The following GTPBP3 variants were observed in gnomAD, a reference collection of about 807,000 sequenced individuals.
The protein encoded by GTPBP3 is 5-taurinomethyluridine-[tRNA] synthase subunit GTPB3, mitochondrial.
A neutral mutation model predicts 42.0 loss-of-function variants in GTPBP3; 35 were observed. The ratio of observed to expected loss-of-function variants is 0.83; its 90% CI spans 0.64 to 1.10. The LOEUF (loss-of-function observed/expected upper bound fraction) is 1.10, where lower values mean the gene tolerates loss of function less well. Among genes scored for constraint, GTPBP3 ranks in the 50% least tolerant of loss-of-function variants. GTPBP3 has a pLI of 0.00. For missense variants in GTPBP3, 691 were observed against 685.2 expected, an observed-to-expected ratio of 1.01 and a Z score of -0.09; for synonymous variants, 332 against 314.9, an observed-to-expected ratio of 1.05 and a Z score of -0.58.
At chr19:17,338,766 C>G (rs767281096) in intron 4 of GTPBP3, 25 bp downstream of exon 4, 12 of 1,590,160 alleles carry the variant, frequency 7.5e-6, no homozygotes, top group Middle Eastern at 1.7e-4. Context: ...TGTCCATTCT[C>G]TCCCTCAGAG....
intron 1 of GTPBP3, 137 bp from the exon 2 acceptor site, chr19:17,337,871 C>T (rs1204249008): frequency 7.7e-7 from 1 of 1,294,698 alleles, no homozygotes. Context: ...CTTCGGCCTT[C>T]AGAACATCCA....
At chr19:17,338,488 CAA>C (rs776029170) in intron 3 of GTPBP3, 37 bp downstream of exon 3, 35 of 1,613,348 alleles carry the variant, frequency 2.2e-5, no homozygotes, top group Non-Finnish European at 2.3e-5. Flanking sequence ...TTGGTCCTCC[CAA>C]TGGGCCTGGG....
rs201374694 is a variant in GTPBP3, at chr19:17,338,949, G to A, written c.592-5G>A. On this transcript the variant is annotated splice_region_variant and splice_polypyrimidine_tract_variant and intron_variant, in intron 4 of 8. Coordinates refer to ENST00000324894, the MANE Select transcript of GTPBP3 (RefSeq NM_032620.4). The stretch of plus-strand genomic sequence containing the variant: ...ACACCACCTCTGCTCTCCCTGCCCC[G>A]CCAGGCTCTGGCCCACGTGGAGGCC... 5 of 1,590,142 alleles carry A rather than the reference G, an allele frequency of 3.1e-6. No homozygotes were observed. The highest frequency in any genetic ancestry group is 4.3e-6 in the Non-Finnish European group (5 of 1,165,730).
In GTPBP3 at chr19:17,341,966, A is replaced by G; in HGVS notation, c.*263A>G. The G allele has an allele frequency of 2.6e-6, 1 of 388,058 alleles. No homozygotes were observed. The highest frequency in any genetic ancestry group is 4.5e-6 in the Non-Finnish European group (1 of 219,790). The allele number at this position is 388,058 out of a possible 1,614,324, so 24.0% of individuals were successfully genotyped here. A position where few individuals can be genotyped will look rare whatever the true frequency, so the allele number is the denominator to read the frequency against. ...GGGATGGAGATAGGAGGATCTCAGT[A>G]TATTTGTTTCGTAGTTTTTTATTTA... On this transcript the variant is annotated 3_prime_UTR_variant, in exon 9 of 9. Coordinates refer to ENST00000324894, the MANE Select transcript of GTPBP3 (RefSeq NM_032620.4).
upstream of GTPBP3, chr19:17,337,524 T>A: frequency 7.7e-7 from 1 of 1,290,368 alleles, no homozygotes; most frequent in Non-Finnish European, 9.9e-7. Flanking sequence ...AGCACTTTAC[T>A]AGTCAAGCCG....
At chr19:17,337,302 C>CT (rs753778399), upstream of GTPBP3, 54 of 328,418 alleles carry the variant, frequency 1.6e-4, no homozygotes, top group East Asian at 8.9e-4. Context: ...AAACTCTGTC[C>CT]TTTCTTCCAT....
At position 17,341,528 on chromosome 19, in the gene GTPBP3, A is replaced by G; in HGVS notation, c.1304A>G (p.Gln435Arg). ...CCGCTGCTGACCCGAGCAAGGCACCAGCACCACCTCCAGGGTTGCCTGGAT... is the reference window on the plus strand; with the variant it reads ...CCGCTGCTGACCCGAGCAAGGCACCGGCACCACCTCCAGGGTTGCCTGGAT... ...DPPLLTRARH[Q>R]HHLQGCLDAL... Residue 435 changes from glutamine to arginine, a missense_variant, in exon 9 of 9, where the codon CAG (glutamine) becomes CGG (arginine). Physicochemically the swap from Gln to Arg is conservative, Grantham distance 43 (BLOSUM62 1). Transcript: ENST00000324894. 1 of 1,613,748 alleles carries G rather than the reference A, an allele frequency of 6.2e-7. No individual in the cohort carries two copies. Among genetic ancestry groups the G allele is most frequent in the Non-Finnish European group, 8.5e-7 (1 of 1,179,944 alleles).
chr19:17,336,615 C>T (rs1467158940), upstream of GTPBP3: 5 of 152,242 alleles, frequency 3.3e-5, no homozygotes, highest in East Asian at 9.6e-4. Context: ...CGCAAGTGCG[C>T]CGCCCGCCCG....
At position 17,338,635 on chromosome 19, in the gene GTPBP3, C is replaced by T; in HGVS notation, c.485C>T (p.Ala162Val). ...KLNLTEVEGL[A>V]DLIHAETEAQ... ...AACCTGACCGAAGTGGAGGGGCTGGCGGACCTTATCCACGCGGAAACAGAG... is the reference window on the plus strand; with the variant it reads ...AACCTGACCGAAGTGGAGGGGCTGGTGGACCTTATCCACGCGGAAACAGAG... The change falls in exon 4 of 9, where the codon GCG (alanine) becomes GTG (valine). Residue 162 changes from alanine (A) to valine (V), a missense_variant. Coordinates refer to ENST00000324894, the MANE Select transcript of GTPBP3 (RefSeq NM_032620.4). The T allele has an allele frequency of 2.5e-6, 4 of 1,613,632 alleles. No homozygotes were observed. The highest frequency in any genetic ancestry group is 1.1e-5 in the South Asian group (1 of 91,074).
At chr19:17,335,823 A>AGATGTAACAACTAGCTTGTTACG (rs1203956786), upstream of GTPBP3, among the ~76,000 whole-genome samples, 148 of 115,080 alleles carry the variant, frequency 1.3e-3, 1 homozygote, top group African/African-American at 4.0e-3. Flanking sequence ...CGCTTGTTAC[A>AGATGTAACAACTAGCTTGTTACG]GATGTAACAA....
At chr19:17,337,413 TC>T, upstream of GTPBP3, 1 of 1,138,210 alleles carries the variant, frequency 8.8e-7, no homozygotes, top group Non-Finnish European at 1.1e-6. Context: ...CCATACCGCC[TC>T]CCGCTCCCGC....
rs948734436 is a variant in GTPBP3 at position 17,342,271 on chromosome 19, T to G, written c.*568T>G. On this transcript the variant is annotated 3_prime_UTR_variant, in exon 9 of 9. Coordinates refer to ENST00000324894, the MANE Select transcript of GTPBP3 (RefSeq NM_032620.4). ...GGCATGTGCCAGCATGCCCGGCTAA[T>G]TTTTTTCTTTTTTTGAGACAGAGTC... The G allele has an allele frequency of 6.6e-6, 1 of 151,608 alleles. No homozygotes were observed. Among genetic ancestry groups the G allele is most frequent in the African/African-American group, 2.4e-5 (1 of 41,166 alleles). The allele number at this position is 151,608 out of a possible 1,614,324, so 9.4% of individuals were successfully genotyped here.
In GTPBP3 at chr19:17,341,240, C is replaced by A. The variant is rs779997383; in HGVS notation, c.1171C>A (p.Pro391Thr). The change falls in exon 8 of 9, where the codon CCC (proline) becomes ACC (threonine). Residue 391 changes from proline to threonine, a missense_variant. By Grantham distance (38) the Pro-to-Thr change is conservative (BLOSUM62 -1). Coordinates refer to ENST00000324894, the MANE Select transcript of GTPBP3 (RefSeq NM_032620.4). The part of the protein sequence containing the change: ...PEGPGPGPDL[P>T]PHLLLSCLTG... ...GGGCCCAGGTCCCGGTCCTGACCTG[C>A]CCCCGCACCTGCTGCTGTCCTGTCT... 2.5e-6 allele frequency: 4 copies of A among 1,607,014 alleles called. No individual in the cohort carries two copies. The African/African-American group carries it at 5.3e-5, about 21-fold the overall frequency.
At position 17,339,462 on chromosome 19, in the gene GTPBP3, G is replaced by A. The variant is rs142081863; in HGVS notation, c.837G>A (p.Pro279=). The A allele has an allele frequency of 3.6e-5, 58 of 1,613,796 alleles. No individual in the cohort carries two copies. The highest frequency in any genetic ancestry group is 3.6e-5 in the Non-Finnish European group (42 of 1,179,982). ...GGAAGCCTGTGTCCATCGTGTCCCC[G>A]GAGCCAGGGACCACCCGTGACGTGC... ...LSRKPVSIVS[P]EPGTTRDVLE... The change falls in exon 7 of 9, where the codon CCG becomes CCA. Residue 279 remains proline, a synonymous_variant. Transcript: ENST00000324894.
upstream of GTPBP3, chr19:17,335,230 G>T: frequency 2.0e-6 from 3 of 1,463,972 alleles, no homozygotes; most frequent in Non-Finnish European, 2.7e-6. Context: ...ATTACAGCAA[G>T]CCCTGCTTAG....
chr19:17,339,382 G>C (rs1030539359), intron 6 of GTPBP3, 52 bp from the exon 7 acceptor site: 12 of 1,600,842 alleles, frequency 7.5e-6, no homozygotes, highest in Non-Finnish European at 1.0e-5. Context: ...TAGAACCTGG[G>C]GGAGGAGCTC....
chr19:17,337,837 C>A, intron 1 of GTPBP3, 171 bp from the exon 2 acceptor site: 1 of 1,185,932 alleles, frequency 8.4e-7, no homozygotes, highest in Non-Finnish European at 1.1e-6. Flanking sequence ...TCCTTCTGGC[C>A]TCACAGTCCC....
chr19:17,339,038 T>C lies in GTPBP3; in HGVS notation c.664+12T>C, dbSNP rs961834530. 5 of 1,614,032 alleles carry C rather than the reference T, an allele frequency of 3.1e-6. No individual in the cohort carries two copies. The African/African-American group carries it at 6.7e-5, about 22-fold the overall frequency. ...GGTCCTGGAGCAAGGTGGGTCTACC[T>C]GGTGGTGGGGGAGGAAGACACCTCA... On this transcript the variant is annotated intron_variant, in intron 5 of 8. Coordinates refer to ENST00000324894, the MANE Select transcript of GTPBP3 (RefSeq NM_032620.4).
chr19:17,337,867 C>T (rs1475925431), intron 1 of GTPBP3, 141 bp from the exon 2 acceptor site: 1 of 1,267,136 alleles, frequency 7.9e-7, no homozygotes, highest in South Asian at 1.5e-5. Context: ...CACCCTTCGG[C>T]CTTCAGAACA....
Sources: allele counts gnomAD v4.1 joint callset (sites outside exome capture counted in the v4.1 genomes callset), GRCh38; gene constraint gnomAD v4.1.1; transcripts MANE v1.5; gene names NCBI Gene and HGNC (gene_info 2026-07-23, HGNC 2026-07-21).